Variants in C1QTNF7 observed in about 807,000 individuals in gnomAD.
The protein encoded by C1QTNF7 is C1q and TNF related 7.
In C1QTNF7, 15 loss-of-function variants were observed where a neutral mutation model predicts 19.6. That is an observed-to-expected ratio of 0.76 (90% CI 0.51 to 1.18). The LOEUF (loss-of-function observed/expected upper bound fraction) is 1.18, where lower values mean the gene tolerates loss of function less well. C1QTNF7 is among the 50% of genes most tolerant of loss of function. The pLI is 0.00. For missense variants in C1QTNF7, 324 were observed against 359.7 expected (o/e 0.90, Z 0.80); for synonymous variants, 142 against 137.5 (o/e 1.03, Z -0.23).
chr4:15,340,865 C>G (rs1716512894), intron 1 of C1QTNF7, among the ~76,000 whole-genome samples: 2 of 152,128 alleles, frequency 1.3e-5, no homozygotes, highest in African/African-American at 2.4e-5. Flanking sequence ...GGTGACTTTG[C>G]CTTCTCGATT....
chr4:15,406,191 G>A (rs1387013020), intron 1 of C1QTNF7, among the ~76,000 whole-genome samples: 1 of 152,174 alleles, frequency 6.6e-6, no homozygotes, highest in African/African-American at 2.4e-5. Flanking sequence ...CTAAAGGCAG[G>A]ACATTTTTCT....
chr4:15,399,548 G>A (rs1025264840), intron 1 of C1QTNF7, among the ~76,000 whole-genome samples: 6 of 152,174 alleles, frequency 3.9e-5, no homozygotes. Flanking sequence ...AATCATGTAC[G>A]TAGTGTTTTT....
chr4:15,393,239 G>T (rs1261693993), intron 1 of C1QTNF7, among the ~76,000 whole-genome samples: 2 of 152,168 alleles, frequency 1.3e-5, no homozygotes, highest in Non-Finnish European at 2.9e-5. Context: ...GGAAATGTGA[G>T]TCCATTAAGC....
chr4:15,369,523 G>A (rs1288659580), intron 1 of C1QTNF7, among the ~76,000 whole-genome samples: 1 of 152,092 alleles, frequency 6.6e-6, no homozygotes, highest in Non-Finnish European at 1.5e-5. Context: ...AGCTACATCT[G>A]TTATTGTTTG....
intron 1 of C1QTNF7, among the ~76,000 whole-genome samples, chr4:15,376,034 C>A (rs6449132): frequency 0.48 from 72,859 of 152,072 alleles, 19,045 homozygotes; most frequent in African/African-American, 0.69. Flanking sequence ...TCTCAAGCAA[C>A]TCATCTATAC....
intron 1 of C1QTNF7, among the ~76,000 whole-genome samples, chr4:15,392,683 C>G (rs1380930107): frequency 6.6e-6 from 1 of 152,220 alleles, no homozygotes; most frequent in African/African-American, 2.4e-5. Flanking sequence ...GGCATTTGGG[C>G]CAGGCATTCC....
At chr4:15,390,145 G>A (rs528560851) in intron 1 of C1QTNF7, among the ~76,000 whole-genome samples, 5 of 152,290 alleles carry the variant, frequency 3.3e-5, no homozygotes, top group African/African-American at 4.8e-5. Flanking sequence ...GCAGGGATTC[G>A]GATTATGCAG....
chr4:15,353,833 G>A (rs1044137185), intron 1 of C1QTNF7, among the ~76,000 whole-genome samples: 5 of 151,890 alleles, frequency 3.3e-5, no homozygotes, highest in African/African-American at 7.3e-5. Context: ...GGAAAATGAG[G>A]CTGAAACTCT....
chr4:15,394,982 CACAA>C (rs1324913954), intron 1 of C1QTNF7, among the ~76,000 whole-genome samples: 2 of 152,142 alleles, frequency 1.3e-5, no homozygotes, highest in South Asian at 2.1e-4. Context: ...TCAGTGACAA[CACAA>C]ACAGACTAAT....
chr4:15,368,062 T>C (rs893016785), intron 1 of C1QTNF7, among the ~76,000 whole-genome samples: 2 of 152,186 alleles, frequency 1.3e-5, no homozygotes, highest in Non-Finnish European at 2.9e-5. Context: ...TTTCTCTCTT[T>C]CTGTCCCTGA....
At chr4:15,360,141 C>G (rs1246096986) in intron 1 of C1QTNF7, among the ~76,000 whole-genome samples, 1 of 152,172 alleles carries the variant, frequency 6.6e-6, no homozygotes, top group Admixed American at 6.5e-5. Flanking sequence ...ACCACTTAGA[C>G]AGACAGCCAT....
At chr4:15,439,415 CT>C (rs1350688336) in intron 2 of C1QTNF7, among the ~76,000 whole-genome samples, 1 of 152,194 alleles carries the variant, frequency 6.6e-6, no homozygotes, top group East Asian at 1.9e-4. Context: ...TAGTCCAACA[CT>C]TTCGTTTCAA....
upstream of C1QTNF7, among the ~76,000 whole-genome samples, chr4:15,424,454 G>T (rs985553255): frequency 7.9e-5 from 12 of 152,172 alleles, no homozygotes; most frequent in Admixed American, 7.2e-4. Context: ...CTCTTTCGGG[G>T]TGAAGGTGTT....
intron 1 of C1QTNF7, among the ~76,000 whole-genome samples, chr4:15,419,085 G>A (rs1305370693): frequency 6.6e-6 from 1 of 152,198 alleles, no homozygotes; most frequent in African/African-American, 2.4e-5. Context: ...AAGGTGCCTG[G>A]CTGTGGGGGA....
chr4:15,339,984 C>T, exon 1 of C1QTNF7: 1 of 645,740 alleles, frequency 1.5e-6, no homozygotes, highest in Non-Finnish European at 2.7e-6. Flanking sequence ...AGTTGCAAAA[C>T]TTCGTACAAC....
chr4:15,442,469 T>C lies in C1QTNF7; in HGVS notation c.540T>C (p.Pro180=). 6.2e-7 allele frequency: 1 copy of C among 1,614,198 alleles called. No homozygotes were observed. The highest frequency in any genetic ancestry group is 8.5e-7 in the Non-Finnish European group (1 of 1,180,032). The change falls in exon 3 of 3, where the codon CCT becomes CCC. Residue 180 remains proline (P), a synonymous_variant. Transcript: ENST00000444304. The part of the protein sequence containing the change: ...VLFNEGEHYN[P]ATGKFICAFP... ...TCAACGAGGGAGAGCACTACAACCC[T>C]GCCACAGGGAAGTTCATCTGTGCTT...
chr4:15,345,754 T>C (rs771379524), intron 1 of C1QTNF7, among the ~76,000 whole-genome samples: 10 of 152,210 alleles, frequency 6.6e-5, no homozygotes, highest in Non-Finnish European at 1.2e-4. Context: ...TCTTCAAAGT[T>C]ACTCAGTTTG....
At chr4:15,358,873 G>C (rs1717240933) in intron 1 of C1QTNF7, among the ~76,000 whole-genome samples, 1 of 152,168 alleles carries the variant, frequency 6.6e-6, no homozygotes, top group African/African-American at 2.4e-5. Flanking sequence ...TCTGACCCTA[G>C]ATCTAGGAGT....
chr4:15,394,504 G>A (rs532620182), intron 1 of C1QTNF7, among the ~76,000 whole-genome samples: 15 of 152,344 alleles, frequency 9.8e-5, no homozygotes, highest in African/African-American at 3.1e-4. Context: ...ATCCTCATAT[G>A]TGTACATGTT....
Sources: gnomAD v4.1 joint callset for allele counts (sites outside exome capture counted in the v4.1 genomes callset) on GRCh38, gnomAD v4.1.1 for gene constraint, MANE v1.5 for transcripts, NCBI Gene and HGNC (gene_info 2026-07-23, HGNC 2026-07-21) for gene names.